NFIB: variants seen among roughly 807,000 people sequenced by gnomAD.
The protein encoded by NFIB is nuclear factor I B.
In NFIB, 11 loss-of-function variants were observed where a neutral mutation model predicts 61.5. The ratio of observed to expected loss-of-function variants is 0.18; its 90% CI spans 0.11 to 0.30. The LOEUF is 0.30. Ranked by LOEUF, NFIB falls within the 10% of genes least tolerant of loss-of-function variation. The pLI is 1.00. For missense variants in NFIB, 471 were observed against 608.9 expected, an observed-to-expected ratio of 0.77 and a Z score of 2.38; for synonymous variants, 260 against 216.5, an observed-to-expected ratio of 1.20 and a Z score of -1.76.
At chr9:14,112,665 A>C (rs1347199683) in intron 10 of NFIB, among the ~76,000 whole-genome samples, 1 of 152,234 alleles carries the variant, frequency 6.6e-6, no homozygotes, top group African/African-American at 2.4e-5. Flanking sequence ...GCTTTAAAAC[A>C]GTTTGCAGTT....
rs561981991 is a variant in NFIB at position 14,299,353 on chromosome 9, T to TGTTAAATGC, written c.562+7627_562+7635dup. On this transcript the variant is annotated intron_variant, in intron 2 of 10. Transcript: ENST00000380953. ...GTGTCGCTTAATATTAATGGATGCT[T>TGTTAAATGC]GTTAAATGCTTTTATGTAGTTTTAT... Among the ~76,000 whole-genome samples the TGTTAAATGC allele has an allele frequency of 4.6e-5, 7 of 152,342 alleles. No individual in the cohort carries two copies. In the South Asian group the frequency reaches 1.4e-3, roughly 32 times the overall value.
intron 1 of NFIB, among the ~76,000 whole-genome samples, chr9:14,340,410 C>T (rs1442564034): frequency 1.3e-5 from 2 of 152,122 alleles, no homozygotes; most frequent in Non-Finnish European, 1.5e-5. Context: ...AAAAGAATAC[C>T]GATGCCCACA....
At chr9:14,219,380 G>GGAAAAAAAAA (rs1563914477) in intron 2 of NFIB, among the ~76,000 whole-genome samples, 3 of 9,744 alleles carry the variant, frequency 3.1e-4, no homozygotes, top group Admixed American at 1.8e-3. Context: ...TAGCACTAGG[G>GGAAAAAAAAA]TAAAAAAAAA....
chr9:14,100,100 C>A lies in NFIB; in HGVS notation c.1468-11774G>T, dbSNP rs183829132. ...ATAAAAAACAAAAAAACAAAAAAAA[C>A]CAAGATACCTTTTAAAGAGCTTTTA... On this transcript the variant is annotated intron_variant, in intron 10 of 10. Coordinates refer to ENST00000380953, the MANE Select transcript of NFIB (RefSeq NM_001190737.2). Among the ~76,000 whole-genome samples, 281 of 152,062 alleles carry A rather than the reference C, an allele frequency of 1.8e-3. 2 individuals carry two copies. The highest frequency in any genetic ancestry group is 3.4e-3 in the Middle Eastern group (1 of 294).
chr9:14,332,241 G>A (rs1028255979), intron 1 of NFIB, among the ~76,000 whole-genome samples: 1 of 149,580 alleles, frequency 6.7e-6, no homozygotes, highest in Non-Finnish European at 1.5e-5. Context: ...GCTGAGGCAG[G>A]AGAATCGCTT....
the NFIB span, among the ~76,000 whole-genome samples, chr9:14,486,382 G>A: frequency 6.6e-6 from 1 of 152,136 alleles, no homozygotes; most frequent in African/African-American, 2.4e-5. Context: ...AAGCCCAGGA[G>A]GATTCGTTGT....
At chr9:14,236,023 G>C (rs1734186811) in intron 2 of NFIB, among the ~76,000 whole-genome samples, 1 of 152,150 alleles carries the variant, frequency 6.6e-6, no homozygotes, top group Admixed American at 6.5e-5. Context: ...CCAGTATCAA[G>C]AGTGTACAGG....
At chr9:14,318,913 T>G (rs2060601391), upstream of NFIB, among the ~76,000 whole-genome samples, 1 of 152,170 alleles carries the variant, frequency 6.6e-6, no homozygotes, top group South Asian at 2.1e-4. Context: ...TGAGTACTAC[T>G]ACTACTGTCT....
intron 10 of NFIB, among the ~76,000 whole-genome samples, chr9:14,108,029 T>A (rs2036819367): frequency 6.6e-6 from 1 of 152,102 alleles, no homozygotes; most frequent in South Asian, 2.1e-4. Context: ...ATGGAAGGAT[T>A]TTTTGAATTT....
chr9:14,239,882 A>G (rs556314225), intron 2 of NFIB, among the ~76,000 whole-genome samples: 2 of 152,174 alleles, frequency 1.3e-5, no homozygotes, highest in African/African-American at 4.8e-5. Flanking sequence ...AGAACATTAC[A>G]TTTCACTTTT....
chr9:14,178,980 A>G (rs1361840982), intron 3 of NFIB, among the ~76,000 whole-genome samples: 1 of 152,108 alleles, frequency 6.6e-6, no homozygotes, highest in Non-Finnish European at 1.5e-5. Flanking sequence ...TTGTTAGTTT[A>G]TTCTTAGAGC....
At chr9:14,233,547 G>A (rs1318480210) in intron 2 of NFIB, among the ~76,000 whole-genome samples, 1 of 150,298 alleles carries the variant, frequency 6.7e-6, no homozygotes, top group Non-Finnish European at 1.5e-5. Context: ...TCTTGCCTCA[G>A]CCTCTCAAGT....
chr9:14,121,919 C>A (rs979415255), intron 7 of NFIB, among the ~76,000 whole-genome samples: 1 of 151,650 alleles, frequency 6.6e-6, no homozygotes, highest in African/African-American at 2.4e-5. Flanking sequence ...AGAGTGTAAT[C>A]GTATGATCAT....
intron 2 of NFIB, among the ~76,000 whole-genome samples, chr9:14,187,231 T>G (rs1466198765): frequency 6.6e-6 from 1 of 151,250 alleles, no homozygotes; most frequent in Non-Finnish European, 1.5e-5. Flanking sequence ...ATGGAATCCC[T>G]GATCTTGTTT....
chr9:14,231,132 AAAAATATATATATATAT>A (rs1285154787), intron 2 of NFIB, among the ~76,000 whole-genome samples: 4 of 93,204 alleles, frequency 4.3e-5, no homozygotes, highest in South Asian at 4.5e-4. Context: ...AAAAAAAAAA[AAAAATATATATATATAT>A]ATATATATAT....
At chr9:14,407,860 A>C in the NFIB span, among the ~76,000 whole-genome samples, 1 of 152,034 alleles carries the variant, frequency 6.6e-6, no homozygotes, top group African/African-American at 2.4e-5. Context: ...TAATTTTAAA[A>C]ATTTTTGCAG....
chr9:14,467,748 T>C, the NFIB span, among the ~76,000 whole-genome samples: 1 of 152,142 alleles, frequency 6.6e-6, no homozygotes, highest in African/African-American at 2.4e-5. Flanking sequence ...TGAGATACAT[T>C]AGGAAAGAAA....
chr9:14,197,229 C>T (rs1420936662), intron 2 of NFIB, among the ~76,000 whole-genome samples: 1 of 152,180 alleles, frequency 6.6e-6, no homozygotes, highest in Non-Finnish European at 1.5e-5. Flanking sequence ...TGCATTTCCC[C>T]TTCTGACTTT....
intron 1 of NFIB, among the ~76,000 whole-genome samples, chr9:14,320,161 T>C (rs1015413848): frequency 2.6e-5 from 4 of 152,210 alleles, no homozygotes; most frequent in Non-Finnish European, 5.9e-5. Flanking sequence ...AAAATTTATT[T>C]TGGACCTCAA....
Sources: allele counts gnomAD v4.1 joint callset (sites outside exome capture counted in the v4.1 genomes callset), GRCh38; gene constraint gnomAD v4.1.1; transcripts MANE v1.5; gene names NCBI Gene and HGNC (gene_info 2026-07-23, HGNC 2026-07-21).